Variants in FOCAD observed in about 807,000 individuals in gnomAD.
The protein encoded by FOCAD is focadhesin, also known as KIAA1797.
Under a neutral mutation model 225.6 loss-of-function variants are expected in FOCAD, and 198 were observed. That is an observed-to-expected ratio of 0.88 (90% confidence interval 0.78 to 0.99). The LOEUF is 0.99. Ranked by LOEUF, FOCAD falls within the 50% of genes least tolerant of loss-of-function variation. The probability of loss-of-function intolerance (pLI) is 0.00; values close to 1 mark genes in which losing one functional copy is unlikely to be tolerated. For missense variants in FOCAD, 2,713 were observed against 2,123.6 expected (o/e 1.28, Z -5.46); for synonymous variants, 897 against 755.0 (o/e 1.19, Z -3.08).
chr9:20,838,066 C>T (rs1826165052), intron 15 of FOCAD, among the ~76,000 whole-genome samples: 1 of 151,988 alleles, frequency 6.6e-6, no homozygotes, highest in African/African-American at 2.4e-5. Flanking sequence ...CATATAAGCC[C>T]AGAAATTGTA....
At chr9:20,826,685 A>G (rs1229930619) in intron 15 of FOCAD, among the ~76,000 whole-genome samples, 15 of 152,034 alleles carry the variant, frequency 9.9e-5, no homozygotes. Flanking sequence ...GGGTTGTAGG[A>G]CTTCATTTTA....
chr9:20,754,722 C>T (rs966836885), intron 5 of FOCAD, among the ~76,000 whole-genome samples: 3 of 151,988 alleles, frequency 2.0e-5, no homozygotes, highest in Non-Finnish European at 4.4e-5. Context: ...AGGAGAAATC[C>T]TACTTGTATC....
chr9:20,820,323 G>A lies in FOCAD; in HGVS notation c.1561-1G>A. ...ACTAGAGTTTCTTCAATATTTTCTAGGTGTGTATAGGACAAATTCTACGAA... is the reference window on the plus strand; with the variant it reads ...ACTAGAGTTTCTTCAATATTTTCTAAGTGTGTATAGGACAAATTCTACGAA... On this transcript the variant is annotated splice_acceptor_variant, in intron 12 of 43. Coordinates refer to ENST00000338382, the MANE Select transcript of FOCAD (RefSeq NM_001375567.1). LOFTEE classifies it high-confidence loss of function. 6.2e-7 allele frequency: 1 copy of A among 1,605,780 alleles called. No individual in the cohort carries two copies. Among genetic ancestry groups the A allele is most frequent in the Non-Finnish European group, 8.5e-7 (1 of 1,175,300 alleles).
chr9:20,818,437 C>T (rs939949513), intron 11 of FOCAD, among the ~76,000 whole-genome samples: 2 of 151,964 alleles, frequency 1.3e-5, no homozygotes, highest in African/African-American at 4.8e-5. Context: ...AGAGCTTAGT[C>T]TACCCCAATG....
chr9:20,679,238 C>G (rs1247478401), intron 2 of FOCAD, among the ~76,000 whole-genome samples: 1 of 150,828 alleles, frequency 6.6e-6, no homozygotes, highest in Non-Finnish European at 1.5e-5. Flanking sequence ...TTTGTAAGAA[C>G]TTTCGCTTTT....
intron 5 of FOCAD, among the ~76,000 whole-genome samples, chr9:20,746,121 G>T (rs565940622): frequency 2.0e-5 from 3 of 152,176 alleles, no homozygotes; most frequent in Non-Finnish European, 4.4e-5. Context: ...ATTTAAGTGC[G>T]CAAAGACCAG....
At chr9:20,884,631 TTG>T (rs916730403) in intron 20 of FOCAD, among the ~76,000 whole-genome samples, 6 of 152,132 alleles carry the variant, frequency 3.9e-5, no homozygotes, top group Non-Finnish European at 8.8e-5. Flanking sequence ...TTTAAATCTC[TTG>T]TGTTTTTTTA....
At chr9:20,805,718 T>C (rs1291181820) in intron 11 of FOCAD, among the ~76,000 whole-genome samples, 1 of 152,154 alleles carries the variant, frequency 6.6e-6, no homozygotes, top group African/African-American at 2.4e-5. Flanking sequence ...GGTATCTTGA[T>C]GGGTTCATTA....
chr9:20,813,376 C>T (rs1188947726), intron 11 of FOCAD, among the ~76,000 whole-genome samples: 1 of 152,056 alleles, frequency 6.6e-6, no homozygotes. Flanking sequence ...GCATAAACAA[C>T]CTCAAGATCG....
At chr9:20,787,972 A>G (rs2131164179) in intron 10 of FOCAD, among the ~76,000 whole-genome samples, 1 of 152,348 alleles carries the variant, frequency 6.6e-6, no homozygotes, top group Middle Eastern at 3.4e-3. Context: ...TCTTAGGTAT[A>G]TACTCAAGAA....
intron 18 of FOCAD, chr9:20,873,909 C>G (rs1830008600): frequency 6.6e-6 from 1 of 152,032 alleles, no homozygotes; most frequent in African/African-American, 2.4e-5. Flanking sequence ...GATTTCCTCC[C>G]CTAATGCTTA....
At chr9:20,913,148 A>ACT (rs1348845795) in intron 23 of FOCAD, among the ~76,000 whole-genome samples, 194 bp downstream of exon 23, 1 of 41,064 alleles carries the variant, frequency 2.4e-5, no homozygotes, top group Admixed American at 2.2e-4. Context: ...TTATACATAC[A>ACT]CACACACACA....
intron 15 of FOCAD, among the ~76,000 whole-genome samples, chr9:20,839,959 T>A (rs997881225): frequency 1.3e-5 from 2 of 152,110 alleles, no homozygotes; most frequent in Non-Finnish European, 2.9e-5. Flanking sequence ...TGTCAAAAAT[T>A]AGTTCACTCT....
At chr9:20,948,146 T>A in intron 30 of FOCAD, 125 bp from the exon 31 acceptor site, 1 of 950,652 alleles carries the variant, frequency 1.1e-6, no homozygotes, top group Non-Finnish European at 1.5e-6. Context: ...ATTTTTCATA[T>A]GACAAATACA....
At chr9:20,898,728 A>G (rs899047653) in intron 21 of FOCAD, among the ~76,000 whole-genome samples, 2 of 151,722 alleles carry the variant, frequency 1.3e-5, no homozygotes, top group South Asian at 4.2e-4. Context: ...CTTGGTTCTG[A>G]TATGTGCTCT....
chr9:20,770,364 C>G (rs1313640390), intron 8 of FOCAD, 126 bp downstream of exon 8: 4 of 824,940 alleles, frequency 4.8e-6, no homozygotes, highest in East Asian at 2.7e-5. Flanking sequence ...ATGCATGGTG[C>G]TGGCATCTGC....
intron 35 of FOCAD, among the ~76,000 whole-genome samples, chr9:20,959,852 G>C (rs1838541069): frequency 6.6e-6 from 1 of 152,100 alleles, no homozygotes; most frequent in African/African-American, 2.4e-5. Flanking sequence ...TAGATATATA[G>C]ATTAATTTCT....
At chr9:20,856,490 T>C (rs1191090562) in intron 15 of FOCAD, among the ~76,000 whole-genome samples, 1 of 151,994 alleles carries the variant, frequency 6.6e-6, no homozygotes, top group East Asian at 1.9e-4. Flanking sequence ...TAGTTATTAA[T>C]TCCTTGTCAA....
chr9:20,874,473 T>G, intron 18 of FOCAD: 1 of 499,486 alleles, frequency 2.0e-6, no homozygotes, highest in South Asian at 2.7e-5. Flanking sequence ...TCTGAGATTG[T>G]ATCTAATAAG....
Sources: gnomAD v4.1 joint callset for allele counts (sites outside exome capture counted in the v4.1 genomes callset) on GRCh38, gnomAD v4.1.1 for gene constraint, MANE v1.5 for transcripts, NCBI Gene and HGNC (gene_info 2026-07-23, HGNC 2026-07-21) for gene names.